LONRF2: variants seen among roughly 807,000 people sequenced by gnomAD.
LONRF2 encodes LON peptidase N-terminal domain and ring finger 2.
A neutral mutation model predicts 66.6 loss-of-function variants in LONRF2; 35 were observed. That is an observed-to-expected ratio of 0.53 (90% CI 0.40 to 0.70). The LOEUF is 0.70. Among genes scored for constraint, LONRF2 ranks in the 30% least tolerant of loss-of-function variants. The pLI, the probability that LONRF2 is intolerant of heterozygous loss-of-function variation, is 0.00. For missense variants in LONRF2, 902 were observed against 1,002.1 expected (o/e 0.90, Z 1.35); for synonymous variants, 417 against 418.1 (o/e 1.00, Z 0.03).
Position 100,321,878 on chromosome 2 carries a change from G to C in LONRF2, c.216C>G (p.Gly72=), listed in dbSNP as rs1415995506. ...LRLGDALARA[G]RLPEALGAFR... ...ACGCGCCCAGGGCTTCGGGGAGGCG[G>C]CCGGCGCGGGCCAGCGCGTCCCCCA... Residue 72 remains glycine, a synonymous_variant, in exon 1 of 12, where the codon GGC becomes GGG. Transcript: ENST00000393437. 2 of 1,215,650 alleles carry C rather than the reference G, an allele frequency of 1.6e-6. No homozygotes were observed. Among genetic ancestry groups the C allele is most frequent in the Non-Finnish European group, 1.0e-6 (1 of 978,810 alleles). 75.3% of individuals were successfully genotyped at this position (1,215,650 alleles called of 1,614,324 possible).
intron 1 of LONRF2, among the ~76,000 whole-genome samples, chr2:100,313,306 C>T (rs1675444475): frequency 6.6e-6 from 1 of 152,066 alleles, no homozygotes. Flanking sequence ...ACCAGCCTGG[C>T]CAATATGGCG....
rs1180049538 is a variant in LONRF2 at position 100,284,113 on chromosome 2, A to C, written c.*185T>G. The C allele has an allele frequency of 3.5e-6, 2 of 568,830 alleles. No individual in the cohort carries two copies. Among genetic ancestry groups the C allele is most frequent in the Non-Finnish European group, 6.1e-6 (2 of 327,450 alleles). 35.2% of individuals were successfully genotyped at this position (568,830 alleles called of 1,614,324 possible). ...CATTCAGACTTCAGGCTAACCTCAC[A>C]CAAGGTCAGATCCCACCAGACACAG... On this transcript the variant is annotated 3_prime_UTR_variant, in exon 12 of 12. Coordinates refer to ENST00000393437, the MANE Select transcript of LONRF2 (RefSeq NM_198461.4).
chr2:100,275,513 C>T lies in LONRF2; in HGVS notation c.*8785G>A, dbSNP rs1260870431. ...CTGCAGGGATCCTCCGGCCATGCGG[C>T]CGGTGAGAGGCACCCTCCTCACAGA... On this transcript the variant is annotated 3_prime_UTR_variant, in exon 12 of 12. Transcript: ENST00000393437. The T allele has an allele frequency of 6.6e-6, 1 of 152,188 alleles. No individual in the cohort carries two copies. Among genetic ancestry groups the T allele is most frequent in the Non-Finnish European group, 1.5e-5 (1 of 68,044 alleles). 9.4% of individuals were successfully genotyped at this position (152,188 alleles called of 1,614,324 possible).
chr2:100,302,265 G>A (rs1220650526), intron 3 of LONRF2, among the ~76,000 whole-genome samples: 4 of 152,166 alleles, frequency 2.6e-5, no homozygotes, highest in Non-Finnish European at 5.9e-5. Context: ...AACATCTAAC[G>A]TGGTTTGAAT....
Position 100,284,133 on chromosome 2 carries a change from A to G in LONRF2, c.*165T>C, listed in dbSNP as rs1190648917. The G allele has an allele frequency of 9.4e-6, 6 of 639,064 alleles. No individual in the cohort carries two copies. The highest frequency in any genetic ancestry group is 9.3e-5 in the African/African-American group (5 of 53,936). The allele number at this position is 639,064 out of a possible 1,614,324, so 39.6% of individuals were successfully genotyped here. ...CTCACACAAGGTCAGATCCCACCAGACACAGAATTGTCATTTTTGAGGAGG... is the reference window on the plus strand; with the variant it reads ...CTCACACAAGGTCAGATCCCACCAGGCACAGAATTGTCATTTTTGAGGAGG... On this transcript the variant is annotated 3_prime_UTR_variant, in exon 12 of 12. Transcript: ENST00000393437.
chr2:100,321,507 C>A lies in LONRF2; in HGVS notation c.587G>T (p.Arg196Leu). 6.5e-7 allele frequency: 1 copy of A among 1,546,936 alleles called. No homozygotes were observed. Among genetic ancestry groups the A allele is most frequent in the Admixed American group, 1.9e-5 (1 of 53,614 alleles). Residue 196 changes from arginine to leucine, a missense_variant, in exon 1 of 12, where the codon CGG becomes CTG. Physicochemically the swap from Arg to Leu is moderately radical, Grantham distance 102. Around this residue, in one of 2 missense-constraint regions of LONRF2, gnomAD observed 585 missense variants for 569.9 expected, o/e 1.03. Transcript: ENST00000393437. ...LLEKCFPAEC[R>L]LRRLAGQARS... is the part of the protein sequence containing the mutation. The stretch of plus-strand genomic sequence containing the variant: ...CGCCTGGCCTGCCAGCCTGCGCAGC[C>A]GGCACTCGGCCGGGAAGCACTTCTC...
At chr2:100,303,962 T>C (rs1000147394) in intron 2 of LONRF2, among the ~76,000 whole-genome samples, 2 of 152,170 alleles carry the variant, frequency 1.3e-5, no homozygotes, top group African/African-American at 4.8e-5. Flanking sequence ...CACTTCATAT[T>C]GTCCCACAAG....
rs370896189 is a variant in LONRF2, at chr2:100,318,831, C to CAA, written c.679+2582_679+2583dup. Among the ~76,000 whole-genome samples, 531 of 125,570 alleles carry CAA rather than the reference C, an allele frequency of 4.2e-3. 10 individuals carry two copies. The highest frequency in any genetic ancestry group is 0.014 in the African/African-American group (472 of 33,108). The allele number at this position is 125,570 out of a possible 152,430, so 82.4% of individuals were successfully genotyped here. On this transcript the variant is annotated intron_variant, in intron 1 of 11. Transcript: ENST00000393437. The stretch of plus-strand genomic sequence containing the variant: ...TGGGTGACAGAGCGAGACCTTGTCT[C>CAA]AAAAAAAAAAAAAGAAAAGGCCAGG...
At chr2:100,308,741 A>T (rs1373074044) in intron 2 of LONRF2, among the ~76,000 whole-genome samples, 2 of 152,248 alleles carry the variant, frequency 1.3e-5, no homozygotes, top group African/African-American at 4.8e-5. Context: ...AGGACCCAAC[A>T]GCTAATCATG....
intron 8 of LONRF2, 38 bp downstream of exon 8, chr2:100,295,394 T>C (rs755571743): frequency 3.8e-6 from 6 of 1,583,088 alleles, no homozygotes; most frequent in Non-Finnish European, 5.1e-6. Flanking sequence ...AAGTTCAATC[T>C]GAACTTAAGA....
rs1674517132 is a variant in LONRF2, at chr2:100,272,455, T to C, written c.*11843A>G. Among the ~76,000 whole-genome samples the C allele has an allele frequency of 6.6e-6, 1 of 151,964 alleles. No homozygotes were observed. Among genetic ancestry groups the C allele is most frequent in the South Asian group, 2.1e-4 (1 of 4,830 alleles). On this transcript the variant is annotated 3_prime_UTR_variant, in exon 12 of 12. Transcript: ENST00000393437. ...TTGAGGCTGCAGTGAGCTATGCTTG[T>C]ACCACTGCCCTCCAGCCTGGATGAC...
chr2:100,287,940 G>A (rs575991297), intron 10 of LONRF2, among the ~76,000 whole-genome samples: 1 of 151,956 alleles, frequency 6.6e-6, no homozygotes, highest in African/African-American at 2.4e-5. Flanking sequence ...CAAAAACTAC[G>A]GTGTGCTGAG....
chr2:100,313,652 G>A (rs1484528069), intron 1 of LONRF2, among the ~76,000 whole-genome samples: 2 of 152,108 alleles, frequency 1.3e-5, no homozygotes, highest in African/African-American at 4.8e-5. Flanking sequence ...AATCTTAGGT[G>A]TATATCTCAA....
At chr2:100,299,067 G>T in intron 6 of LONRF2, 117 bp from the exon 7 acceptor site, 1 of 893,572 alleles carries the variant, frequency 1.1e-6, no homozygotes, top group Non-Finnish European at 1.8e-6. Flanking sequence ...TCACTTGCAT[G>T]CACTTTCATT....
intron 1 of LONRF2, among the ~76,000 whole-genome samples, chr2:100,313,098 A>G (rs1002825620): frequency 6.6e-6 from 1 of 152,212 alleles, no homozygotes; most frequent in African/African-American, 2.4e-5. Flanking sequence ...CTGTTTTCCA[A>G]CAGCAACCCA....
intron 1 of LONRF2, among the ~76,000 whole-genome samples, chr2:100,314,822 A>G (rs1675474108): frequency 2.0e-5 from 3 of 152,300 alleles, no homozygotes; most frequent in South Asian, 4.1e-4. Context: ...GAGACTGTAT[A>G]TGTGAGAGTC....
intron 1 of LONRF2, among the ~76,000 whole-genome samples, chr2:100,311,015 T>C (rs747707981): frequency 5.3e-5 from 8 of 152,226 alleles, no homozygotes; most frequent in Admixed American, 3.9e-4. Context: ...CTGTTAATTA[T>C]GATCTAACAT....
chr2:100,317,465 T>G (rs1186644789), intron 1 of LONRF2, among the ~76,000 whole-genome samples: 3 of 152,218 alleles, frequency 2.0e-5, no homozygotes, highest in Non-Finnish European at 2.9e-5. Context: ...TATCTTTCAC[T>G]TTTATGTATG....
chr2:100,305,231 C>A (rs1404948210), intron 2 of LONRF2, among the ~76,000 whole-genome samples: 1 of 152,148 alleles, frequency 6.6e-6, no homozygotes, highest in Non-Finnish European at 1.5e-5. Flanking sequence ...ACACACAATT[C>A]TTTTCCTTTT....
Sources: allele counts gnomAD v4.1 joint callset (sites outside exome capture counted in the v4.1 genomes callset), GRCh38; gene constraint gnomAD v4.1.1; regional missense constraint gnomAD v4.1.1; transcripts MANE v1.5; gene names NCBI Gene and HGNC (gene_info 2026-07-23, HGNC 2026-07-21).